MYCT1: variants seen among roughly 807,000 people sequenced by gnomAD.
The protein encoded by MYCT1 is MYC target 1, also known as myc target protein 1.
In MYCT1, 12 loss-of-function variants were observed where a neutral mutation model predicts 15.0. The observed-to-expected ratio is 0.80, with a 90% confidence interval of 0.51 to 1.29. The LOEUF (loss-of-function observed/expected upper bound fraction) is 1.29. Among genes scored for constraint, MYCT1 ranks in the 50% most tolerant of loss-of-function variants. The probability of loss-of-function intolerance (pLI) is 0.00; values close to 1 mark genes in which losing one functional copy is unlikely to be tolerated. For synonymous variants in MYCT1, 104 were observed against 102.7 expected, an observed-to-expected ratio of 1.01 and a Z score of -0.07; for missense variants, 287 against 279.1, an observed-to-expected ratio of 1.03 and a Z score of -0.20.
chr6:152,743,311 C>T, the MYCT1 span, among the ~76,000 whole-genome samples: 1 of 152,174 alleles, frequency 6.6e-6, no homozygotes, highest in African/African-American at 2.4e-5. Flanking sequence ...AGCAATCCAC[C>T]TGCCTCAGCC....
At chr6:152,740,281 C>G in the MYCT1 span, among the ~76,000 whole-genome samples, 10 of 152,094 alleles carry the variant, frequency 6.6e-5, no homozygotes, top group African/African-American at 2.4e-4. Context: ...AACTCCCAAC[C>G]TCAGGGCATT....
the MYCT1 span, among the ~76,000 whole-genome samples, chr6:152,738,501 A>C: frequency 6.6e-6 from 1 of 152,116 alleles, no homozygotes; most frequent in South Asian, 2.1e-4. Flanking sequence ...ACTGTCCATT[A>C]ATGGAATTCC....
chr6:152,731,355 G>A, the MYCT1 span, among the ~76,000 whole-genome samples: 33 of 152,208 alleles, frequency 2.2e-4, no homozygotes, highest in South Asian at 6.9e-3. Flanking sequence ...GTAGCTCAAA[G>A]CGGTTTTAGT....
chr6:152,730,545 C>T, the MYCT1 span, among the ~76,000 whole-genome samples: 169 of 152,302 alleles, frequency 1.1e-3, no homozygotes, highest in African/African-American at 3.9e-3. Flanking sequence ...GTCTCCATTA[C>T]TACTTTTGTT....
rs1184218597 is a variant in MYCT1, at chr6:152,724,046, T to C, written c.*1793T>C. The stretch of plus-strand genomic sequence containing the variant: ...AAGGACAATTATTCTTAATAATGCT[T>C]ATAGAAAATGTTCTCTAATTAAACA... On this transcript the variant is annotated 3_prime_UTR_variant, in exon 2 of 2. Transcript: ENST00000367245. 6.6e-6 allele frequency: 1 copy of C among 152,148 alleles called. No individual in the cohort carries two copies. Among genetic ancestry groups the C allele is most frequent in the Non-Finnish European group, 1.5e-5 (1 of 68,014 alleles). 9.4% of individuals were successfully genotyped at this position (152,148 alleles called of 1,614,324 possible). A position where few individuals can be genotyped will look rare whatever the true frequency, so the allele number is the denominator to read the frequency against.
chr6:152,715,058 C>G (rs1214212086), intron 1 of MYCT1, among the ~76,000 whole-genome samples: 1 of 151,984 alleles, frequency 6.6e-6, no homozygotes, highest in African/African-American at 2.4e-5. Flanking sequence ...TGAACACCAA[C>G]TTATGTTTTC....
At chr6:152,720,036 T>A (rs775615563) in intron 1 of MYCT1, among the ~76,000 whole-genome samples, 2 of 152,046 alleles carry the variant, frequency 1.3e-5, no homozygotes, top group African/African-American at 2.4e-5. Flanking sequence ...TAATTTGAGA[T>A]GAAATCAGCT....
the MYCT1 span, among the ~76,000 whole-genome samples, chr6:152,742,021 G>A: frequency 6.6e-6 from 1 of 152,184 alleles, no homozygotes; most frequent in African/African-American, 2.4e-5. Context: ...AAATAGAGTT[G>A]AAATAAGTAC....
At chr6:152,726,881 C>T (rs1445619261), downstream of MYCT1, among the ~76,000 whole-genome samples, 4 of 152,138 alleles carry the variant, frequency 2.6e-5, no homozygotes, top group African/African-American at 9.7e-5. Flanking sequence ...GTGACTTTAA[C>T]TCAGAATGAA....
chr6:152,720,393 T>G, intron 1 of MYCT1, among the ~76,000 whole-genome samples: 1 of 152,102 alleles, frequency 6.6e-6, no homozygotes, highest in East Asian at 1.9e-4. Context: ...TATCTCTTGA[T>G]GGGAGGAACA....
At chr6:152,741,120 C>CT in the MYCT1 span, among the ~76,000 whole-genome samples, 1 of 152,124 alleles carries the variant, frequency 6.6e-6, no homozygotes. Flanking sequence ...AAAATCCCAA[C>CT]TTTGTCAATG....
chr6:152,746,305 A>G, the MYCT1 span, among the ~76,000 whole-genome samples: 2 of 152,208 alleles, frequency 1.3e-5, no homozygotes, highest in African/African-American at 2.4e-5. Context: ...AACCCTACAT[A>G]AACCATGTAT....
chr6:152,732,335 A>G, the MYCT1 span, among the ~76,000 whole-genome samples: 1 of 152,216 alleles, frequency 6.6e-6, no homozygotes, highest in African/African-American at 2.4e-5. Context: ...AAGAAAATAA[A>G]TAATACTAAA....
downstream of MYCT1, among the ~76,000 whole-genome samples, chr6:152,727,226 AT>A (rs1358472737): frequency 6.7e-6 from 1 of 148,606 alleles, no homozygotes; most frequent in African/African-American, 2.5e-5. Context: ...AAAAAAAAAA[AT>A]ATGGAAAGAT....
At chr6:152,729,520 T>C (rs1315674199), downstream of MYCT1, among the ~76,000 whole-genome samples, 1 of 152,212 alleles carries the variant, frequency 6.6e-6, no homozygotes. Context: ...CAAAGTAGCT[T>C]GCTGAATGTC....
chr6:152,720,911 A>T (rs2099724580), intron 1 of MYCT1, among the ~76,000 whole-genome samples: 1 of 152,236 alleles, frequency 6.6e-6, no homozygotes, highest in Non-Finnish European at 1.5e-5. Context: ...TTTAGTTTAC[A>T]AGAGGCAGTA....
the MYCT1 span, among the ~76,000 whole-genome samples, chr6:152,739,034 G>A: frequency 8.5e-3 from 1,285 of 151,764 alleles, 20 homozygotes; most frequent in African/African-American, 0.028. Context: ...ATTATCAATG[G>A]CATCATCCAA....
At chr6:152,735,736 T>C in the MYCT1 span, among the ~76,000 whole-genome samples, 2 of 152,136 alleles carry the variant, frequency 1.3e-5, no homozygotes, top group Non-Finnish European at 2.9e-5. Flanking sequence ...CATTTTGAAA[T>C]AGAAAGTTTA....
the MYCT1 span, among the ~76,000 whole-genome samples, chr6:152,738,549 A>G: frequency 1.3e-5 from 2 of 152,224 alleles, no homozygotes; most frequent in African/African-American, 4.8e-5. Context: ...CGTTAACTAA[A>G]TGACACTCTG....
Sources: allele counts gnomAD v4.1 joint callset (sites outside exome capture counted in the v4.1 genomes callset), GRCh38; gene constraint gnomAD v4.1.1; transcripts MANE v1.5; gene names NCBI Gene and HGNC (gene_info 2026-07-23, HGNC 2026-07-21).